ABCA4: variants seen among roughly 807,000 people sequenced by gnomAD.
ABCA4 encodes the protein retinal-specific phospholipid-transporting ATPase ABCA4.
ABCA4 carries 196 observed loss-of-function variants against 263.7 expected under a neutral mutation model. The ratio of observed to expected loss-of-function variants is 0.74; its 90% confidence interval spans 0.66 to 0.84. ABCA4 has a LOEUF of 0.84. Ranked by LOEUF, ABCA4 falls within the 40% of genes least tolerant of loss-of-function variation. The probability of loss-of-function intolerance (pLI) is 0.00; values close to 1 mark genes in which losing one functional copy is unlikely to be tolerated. For synonymous variants in ABCA4, 1,133 were observed against 1,094.2 expected, an observed-to-expected ratio of 1.04 and a Z score of -0.70; for missense variants, 2,792 against 2,855.1, an observed-to-expected ratio of 0.98 and a Z score of 0.50.
intron 11 of ABCA4, among the ~76,000 whole-genome samples, chr1:94,074,305 T>C (rs1398960395): frequency 6.6e-6 from 1 of 152,208 alleles, no homozygotes; most frequent in African/African-American, 2.4e-5. Context: ...GAAAACTGGC[T>C]AGCCATATGT....
rs1444784969 is a variant in ABCA4 at position 94,029,462 on chromosome 1, C to T, written c.4522G>A (p.Gly1508Ser). ...TCAGGTACCTGGGGGGGCGGGAGGC[C>T]CCCGGCACCCTCGGGGCACTCTGGC... Reference protein sequence around the residue: ...MLPECPEGAGGLPPPQRTQRS... With the variant: ...MLPECPEGAGSLPPPQRTQRS... Residue 1508 changes from glycine to serine, a missense_variant, in exon 30 of 50, where the codon GGC becomes AGC. Coordinates refer to ENST00000370225, the MANE Select transcript of ABCA4 (RefSeq NM_000350.3). The T allele has an allele frequency of 1.3e-6, 2 of 1,559,146 alleles. No homozygotes were observed. Among genetic ancestry groups the T allele is most frequent in the African/African-American group, 2.7e-5 (2 of 73,732 alleles).
chr1:94,025,001 G>A lies in ABCA4; in HGVS notation c.4587C>T (p.Asn1529=), dbSNP rs531451863. Residue 1529 remains asparagine, a synonymous_variant, in exon 31 of 50, where the codon AAC becomes AAT. Transcript: ENST00000370225. ...ACGTTTTTACCAAGAAGTCGGAGAT[G>A]TTCCTGTCCGTCAGGTCTTGTAGAA... The part of the protein sequence containing the change: ...TEILQDLTDR[N]ISDFLVKTYP... The A allele has an allele frequency of 9.9e-6, 16 of 1,614,192 alleles. No homozygotes were observed. Among genetic ancestry groups the A allele is most frequent in the Non-Finnish European group, 1.2e-5 (14 of 1,180,030 alleles).
In ABCA4 at chr1:94,031,763, G is replaced by T; in HGVS notation, c.4128+15C>A. ...GAGCCACTGAGCTCAGCTAAACACC[G>T]ACCGACAATAGTACCTGCGCCAGGA... On this transcript the variant is annotated intron_variant, in intron 27 of 49. Coordinates refer to ENST00000370225, the MANE Select transcript of ABCA4 (RefSeq NM_000350.3). 1 of 1,612,998 alleles carries T rather than the reference G, an allele frequency of 6.2e-7. No individual in the cohort carries two copies. The highest frequency in any genetic ancestry group is 8.5e-7 in the Non-Finnish European group (1 of 1,180,012).
intron 11 of ABCA4, among the ~76,000 whole-genome samples, chr1:94,071,340 G>GAAAATCC (rs1358071122): frequency 6.6e-6 from 1 of 152,126 alleles, no homozygotes; most frequent in Admixed American, 6.5e-5. Context: ...TTTCAAGCAG[G>GAAAATCC]AAAATCCAAT....
chr1:93,995,614 C>T (rs1390120997), intron 49 of ABCA4, among the ~76,000 whole-genome samples: 1 of 152,166 alleles, frequency 6.6e-6, no homozygotes, highest in Non-Finnish European at 1.5e-5. Context: ...AACAAAGAGC[C>T]CTCTTCCTAC....
At chr1:94,106,681 G>C (rs1184411375) in intron 4 of ABCA4, among the ~76,000 whole-genome samples, 4 of 152,230 alleles carry the variant, frequency 2.6e-5, no homozygotes, top group Non-Finnish European at 2.9e-5. Flanking sequence ...TGGTTTACTA[G>C]TTTGAAACAA....
At chr1:94,086,375 G>A (rs1661828319) in intron 6 of ABCA4, among the ~76,000 whole-genome samples, 2 of 152,044 alleles carry the variant, frequency 1.3e-5, no homozygotes, top group African/African-American at 4.8e-5. Context: ...AATAAATTTG[G>A]TCTTTTTATC....
At chr1:94,061,721 CT>C (rs1312135169) in intron 13 of ABCA4, among the ~76,000 whole-genome samples, 16 of 152,258 alleles carry the variant, frequency 1.1e-4, no homozygotes, top group Non-Finnish European at 2.1e-4. Flanking sequence ...GCTTTCGCCC[CT>C]GGCTCCATTT....
At chr1:94,052,229 A>G (rs1487258571) in intron 16 of ABCA4, among the ~76,000 whole-genome samples, 1 of 152,180 alleles carries the variant, frequency 6.6e-6, no homozygotes, top group Admixed American at 6.5e-5. Flanking sequence ...CAACACAGGT[A>G]ATCCAGTTCT....
rs753741017 is a variant in ABCA4, at chr1:94,008,242, G to T, written c.5891C>A (p.Pro1964His). 1.2e-6 allele frequency: 2 copies of T among 1,614,036 alleles called. No homozygotes were observed. The highest frequency in any genetic ancestry group is 2.7e-5 in the African/African-American group (2 of 74,928). ...AVDRLCVGVR[P>H]GECFGLLGVN... ...GGTCTGCAGAGTACCCACCTCTCCAGGGCGAACTCCGACACACAGCCTGTC... is the reference window on the plus strand; with the variant it reads ...GGTCTGCAGAGTACCCACCTCTCCATGGCGAACTCCGACACACAGCCTGTC... The change falls in exon 42 of 50, where the codon CCT (proline) becomes CAT (histidine). Residue 1964 changes from proline to histidine, a missense_variant. Transcript: ENST00000370225.
intron 25 of ABCA4, 74 bp downstream of exon 25, chr1:94,037,071 C>T: frequency 1.3e-6 from 2 of 1,503,144 alleles, no homozygotes; most frequent in Non-Finnish European, 1.8e-6. Context: ...CAAAACTTTG[C>T]TCTAATGTTA....
chr1:94,006,470 C>T (rs1052407033), intron 43 of ABCA4, among the ~76,000 whole-genome samples: 7 of 152,208 alleles, frequency 4.6e-5, no homozygotes, highest in African/African-American at 1.2e-4. Flanking sequence ...CTTGATGTCT[C>T]ATAAATGTGC....
At chr1:94,101,070 A>G (rs1164686612) in intron 5 of ABCA4, among the ~76,000 whole-genome samples, 2 of 152,254 alleles carry the variant, frequency 1.3e-5, no homozygotes, top group East Asian at 3.9e-4. Context: ...AGCCAGCAAC[A>G]TGAAATAAAG....
chr1:93,998,035 C>A lies in ABCA4; in HGVS notation c.6555G>T (p.Val2185=). The A allele has an allele frequency of 1.2e-6, 2 of 1,614,178 alleles. No individual in the cohort carries two copies. The part of the protein sequence containing the change: ...KDDLLPDLNP[V]EQFFQGNFPG... ...GGAAGTTCCCCTGGAAGAACTGCTC[C>A]ACAGGGTTCAGGTCAGGAAGCAGGT... Residue 2185 remains valine, a synonymous_variant, in exon 48 of 50, where the codon GTG becomes GTT. Coordinates refer to ENST00000370225, the MANE Select transcript of ABCA4 (RefSeq NM_000350.3).
intron 15 of ABCA4, among the ~76,000 whole-genome samples, chr1:94,055,771 C>T (rs1377126291): frequency 6.6e-6 from 1 of 152,158 alleles, no homozygotes; most frequent in Non-Finnish European, 1.5e-5. Context: ...TCTTATTTAA[C>T]CTAAGAAATG....
At chr1:94,022,562 G>A (rs1310250137) in intron 32 of ABCA4, among the ~76,000 whole-genome samples, 1 of 152,122 alleles carries the variant, frequency 6.6e-6, no homozygotes, top group Non-Finnish European at 1.5e-5. Context: ...TTCTTCACTG[G>A]CCCTGGGATC....
chr1:94,011,068 T>G, intron 39 of ABCA4, 139 bp from the exon 40 acceptor site: 1 of 1,542,736 alleles, frequency 6.5e-7, no homozygotes, highest in Admixed American at 1.8e-5. Flanking sequence ...AGGGCTGCCC[T>G]CCATCCCTCC....
intron 5 of ABCA4, among the ~76,000 whole-genome samples, chr1:94,101,451 T>C (rs1445823915): frequency 6.6e-6 from 1 of 152,180 alleles, no homozygotes; most frequent in African/African-American, 2.4e-5. Flanking sequence ...GTTCCCCTTG[T>C]CTAGTTTCGG....
At position 94,018,439 on chromosome 1, in the gene ABCA4, T is replaced by C. The variant is rs1031608731; in HGVS notation, c.5196+1143A>G. The C allele has an allele frequency of 4.5e-4, 176 of 394,000 alleles. 1 individual carries two copies. Among genetic ancestry groups the C allele is most frequent in the Non-Finnish European group, 1.4e-4 (28 of 199,062 alleles). 24.4% of individuals were successfully genotyped at this position (394,000 alleles called of 1,614,324 possible). On this transcript the variant is annotated intron_variant, in intron 36 of 49. Coordinates refer to ENST00000370225, the MANE Select transcript of ABCA4 (RefSeq NM_000350.3). ...CCTCCTCCCCGTGCATTTATGAGTG[T>C]TTCCTCGTGTAGACAGAAGAGAGAG...
Sources: allele counts gnomAD v4.1 joint callset (sites outside exome capture counted in the v4.1 genomes callset), GRCh38; gene constraint gnomAD v4.1.1; transcripts MANE v1.5; gene names NCBI Gene and HGNC (gene_info 2026-07-23, HGNC 2026-07-21).